The following MDGA2 variants were observed in gnomAD, a reference collection of about 807,000 sequenced individuals.
The protein encoded by MDGA2 is MAM domain-containing glycosylphosphatidylinositol anchor protein 2.
A neutral mutation model predicts 117.8 loss-of-function variants in MDGA2; 40 were observed. That is an observed-to-expected ratio of 0.34 (90% CI 0.26 to 0.44). The LOEUF (loss-of-function observed/expected upper bound fraction) is 0.44, where lower values mean the gene tolerates loss of function less well. Among genes scored for constraint, MDGA2 ranks in the 20% least tolerant of loss-of-function variants. The pLI is 1.00. For synonymous variants in MDGA2, 452 were observed against 439.0 expected (o/e 1.03, Z -0.37); for missense variants, 1,123 against 1,250.6 (o/e 0.90, Z 1.54).
intron 3 of MDGA2, among the ~76,000 whole-genome samples, chr14:47,145,512 G>A (rs910596191): frequency 6.6e-6 from 1 of 152,120 alleles, no homozygotes; most frequent in African/African-American, 2.4e-5. Context: ...AAAGCAGCAA[G>A]CTTTTAGTTC....
chr14:47,127,442 T>C (rs1178812273), intron 5 of MDGA2, among the ~76,000 whole-genome samples: 1 of 152,114 alleles, frequency 6.6e-6, no homozygotes, highest in Non-Finnish European at 1.5e-5. Context: ...CTTCCAACTA[T>C]GAGCACCACC....
intron 10 of MDGA2, among the ~76,000 whole-genome samples, chr14:46,913,495 TA>T (rs33993763): frequency 0.7 from 105,980 of 151,976 alleles, 37,820 homozygotes; most frequent in East Asian, 0.99. Flanking sequence ...AAATAACTTT[TA>T]AAAATGTTTT....
chr14:47,024,712 T>C (rs1357481122), intron 8 of MDGA2, among the ~76,000 whole-genome samples: 2 of 152,142 alleles, frequency 1.3e-5, no homozygotes, highest in East Asian at 1.9e-4. Context: ...TTTAAGAAAA[T>C]AGTTTGAATT....
chr14:47,297,061 C>G (rs2139796763), intron 2 of MDGA2, among the ~76,000 whole-genome samples: 1 of 152,262 alleles, frequency 6.6e-6, no homozygotes, highest in East Asian at 1.9e-4. Flanking sequence ...CAATTATCTC[C>G]AGAAACCACA....
chr14:47,621,046 T>C (rs908166442), intron 1 of MDGA2, among the ~76,000 whole-genome samples: 1 of 152,180 alleles, frequency 6.6e-6, no homozygotes, highest in Non-Finnish European at 1.5e-5. Flanking sequence ...GCAAATCCTT[T>C]GAAATTTTGG....
At chr14:47,531,175 G>A (rs1895092176) in intron 1 of MDGA2, among the ~76,000 whole-genome samples, 1 of 152,100 alleles carries the variant, frequency 6.6e-6, no homozygotes, top group Admixed American at 6.6e-5. Context: ...AACCCAGGAG[G>A]CAGAGCTTGC....
intron 1 of MDGA2, among the ~76,000 whole-genome samples, chr14:47,366,847 A>T (rs184933239): frequency 6.6e-6 from 1 of 150,980 alleles, no homozygotes; most frequent in East Asian, 1.9e-4. Flanking sequence ...TACCTTAAAG[A>T]TTATGTTTGA....
chr14:47,106,316 A>C (rs1355684063), intron 5 of MDGA2, among the ~76,000 whole-genome samples: 2 of 152,112 alleles, frequency 1.3e-5, no homozygotes, highest in Non-Finnish European at 2.9e-5. Context: ...AAGGTGTACC[A>C]TAATAGAAAA....
chr14:47,178,466 C>T (rs1480026997), intron 3 of MDGA2, among the ~76,000 whole-genome samples: 1 of 152,152 alleles, frequency 6.6e-6, no homozygotes, highest in Middle Eastern at 3.4e-3. Flanking sequence ...ACTTTGGGCT[C>T]TTGGAGATAC....
chr14:47,459,549 CTTCCTTCCTTCT>C (rs1893439108), intron 1 of MDGA2, among the ~76,000 whole-genome samples: 5 of 148,846 alleles, frequency 3.4e-5, no homozygotes, highest in African/African-American at 1.2e-4. Context: ...TTCTTTCTTC[CTTCCTTCCTTCT>C]TTCCTTCCTT....
At chr14:47,345,377 A>G (rs1379447793) in intron 1 of MDGA2, among the ~76,000 whole-genome samples, 1 of 152,184 alleles carries the variant, frequency 6.6e-6, no homozygotes, top group African/African-American at 2.4e-5. Flanking sequence ...TAAAATAATG[A>G]AAGTTAAAGG....
At chr14:47,496,572 A>T (rs1423007180) in intron 1 of MDGA2, among the ~76,000 whole-genome samples, 1 of 152,000 alleles carries the variant, frequency 6.6e-6, no homozygotes, top group Non-Finnish European at 1.5e-5. Context: ...TTTATAGAAA[A>T]TTTTAACTTT....
chr14:47,628,992 G>A (rs1897204633), intron 1 of MDGA2, among the ~76,000 whole-genome samples: 1 of 152,172 alleles, frequency 6.6e-6, no homozygotes. Flanking sequence ...AGGCACTGTA[G>A]CCTCACTCAA....
At chr14:47,050,740 G>T (rs1037036785) in intron 7 of MDGA2, among the ~76,000 whole-genome samples, 3 of 151,942 alleles carry the variant, frequency 2.0e-5, no homozygotes, top group Admixed American at 6.6e-5. Context: ...CTGAACTAAA[G>T]AAATTTTAAT....
At chr14:47,131,908 AACATC>A (rs1882225810) in intron 4 of MDGA2, 62 bp from the exon 5 acceptor site, 2 of 1,305,556 alleles carry the variant, frequency 1.5e-6, no homozygotes, top group Non-Finnish European at 2.1e-6. Flanking sequence ...GAATGAATGA[AACATC>A]ACATCACATT....
chr14:47,059,433 C>G lies in MDGA2; in HGVS notation c.1525+1816G>C. 3 of 600,768 alleles carry G rather than the reference C, an allele frequency of 5.0e-6. No individual in the cohort carries two copies. In the South Asian group the frequency reaches 5.1e-5, roughly 10 times the overall value. 37.2% of individuals were successfully genotyped at this position (600,768 alleles called of 1,614,324 possible). A position where few individuals can be genotyped will look rare whatever the true frequency, so the allele number is the denominator to read the frequency against. ...GTTAGGAAAATTTAATGATTACAAC[C>G]AATCTCTTATTACTAATCTTGAATT... On this transcript the variant is annotated intron_variant, in intron 7 of 16. Coordinates refer to ENST00000399232, the MANE Select transcript of MDGA2 (RefSeq NM_001113498.3).
intron 1 of MDGA2, among the ~76,000 whole-genome samples, chr14:47,342,295 TATATAA>T (rs1594807264): frequency 6.8e-6 from 1 of 148,118 alleles, no homozygotes; most frequent in East Asian, 1.9e-4. Context: ...ATATGTTATA[TATATAA>T]ATATGTGTGT....
intron 2 of MDGA2, among the ~76,000 whole-genome samples, chr14:47,271,431 A>T (rs965085789): frequency 6.6e-6 from 1 of 152,172 alleles, no homozygotes; most frequent in African/African-American, 2.4e-5. Context: ...AAATGTAAAA[A>T]TCTAAAATGT....
chr14:46,918,760 C>CT (rs34958634), intron 10 of MDGA2, among the ~76,000 whole-genome samples: 38,124 of 124,826 alleles, frequency 0.31, 6,237 homozygotes, highest in South Asian at 0.53. Flanking sequence ...TACAGTGTAT[C>CT]TTTTTTTTTT....
Sources: allele counts gnomAD v4.1 joint callset (sites outside exome capture counted in the v4.1 genomes callset), GRCh38; gene constraint gnomAD v4.1.1; transcripts MANE v1.5; gene names NCBI Gene and HGNC (gene_info 2026-07-23, HGNC 2026-07-21).